PDE4D: variants seen among roughly 807,000 people sequenced by gnomAD.
PDE4D encodes phosphodiesterase 4D, also known as 3',5'-cyclic-AMP phosphodiesterase 4D.
A neutral mutation model predicts 87.4 loss-of-function variants in PDE4D; 24 were observed. That is an observed-to-expected ratio of 0.27 (90% CI 0.20 to 0.39). The LOEUF is 0.39. Among genes scored for constraint, PDE4D ranks in the 10% least tolerant of loss-of-function variants. The probability of loss-of-function intolerance (pLI) is 1.00; values close to 1 mark genes in which losing one functional copy is unlikely to be tolerated. For synonymous variants in PDE4D, 384 were observed against 383.2 expected (o/e 1.00, Z -0.02); for missense variants, 714 against 1,041.0 (o/e 0.69, Z 4.32).
chr5:59,200,222 T>G (rs1478915338), intron 2 of PDE4D, among the ~76,000 whole-genome samples: 1 of 146,514 alleles, frequency 6.8e-6, no homozygotes, highest in African/African-American at 2.6e-5. Flanking sequence ...CACGTGTATG[T>G]ATACATACAT....
intron 2 of PDE4D, chr5:60,127,785 G>C (rs1779240500): frequency 2.1e-6 from 1 of 481,268 alleles, no homozygotes; most frequent in Non-Finnish European, 3.7e-6. Flanking sequence ...ATACAGGTCT[G>C]AGTTCCAGAG....
At chr5:59,328,120 C>G (rs1301103518) in intron 1 of PDE4D, among the ~76,000 whole-genome samples, 8 of 152,072 alleles carry the variant, frequency 5.3e-5, no homozygotes, top group African/African-American at 1.9e-4. Flanking sequence ...AGAAATAGCA[C>G]AATATCCATT....
At chr5:59,685,842 A>G (rs763177316) in intron 1 of PDE4D, among the ~76,000 whole-genome samples, 10 of 152,158 alleles carry the variant, frequency 6.6e-5, no homozygotes, top group Non-Finnish European at 1.5e-4. Flanking sequence ...CGATAAGCAC[A>G]CTGTCTGATC....
intron 2 of PDE4D, among the ~76,000 whole-genome samples, chr5:59,194,229 A>G (rs1744958242): frequency 6.6e-6 from 1 of 152,208 alleles, no homozygotes; most frequent in Non-Finnish European, 1.5e-5. Flanking sequence ...CAGTTAGAGG[A>G]AAGTGAGAAA....
intron 1 of PDE4D, among the ~76,000 whole-genome samples, chr5:60,335,397 A>G (rs1401475885): frequency 6.6e-6 from 1 of 152,226 alleles, no homozygotes; most frequent in Non-Finnish European, 1.5e-5. Context: ...TTAGGATTCT[A>G]TCTGCCCAGA....
chr5:59,179,103 A>G (rs577447746), intron 5 of PDE4D, among the ~76,000 whole-genome samples: 20 of 152,234 alleles, frequency 1.3e-4, no homozygotes, highest in African/African-American at 4.6e-4. Flanking sequence ...GTTATTGTTC[A>G]TCTCTCTTTC....
At chr5:59,892,439 C>T (rs937121919) in intron 1 of PDE4D, among the ~76,000 whole-genome samples, 1 of 152,186 alleles carries the variant, frequency 6.6e-6, no homozygotes, top group Non-Finnish European at 1.5e-5. Flanking sequence ...GGTCTCCCTA[C>T]ACACAAGCTC....
intron 6 of PDE4D, among the ~76,000 whole-genome samples, chr5:58,994,711 A>G (rs372432314): frequency 1.3e-5 from 2 of 152,292 alleles, no homozygotes; most frequent in African/African-American, 4.8e-5. Flanking sequence ...ACCGTTTGCT[A>G]AATAACTTCC....
chr5:59,802,356 T>A (rs1767231388), intron 1 of PDE4D, among the ~76,000 whole-genome samples: 1 of 151,646 alleles, frequency 6.6e-6, no homozygotes, highest in Admixed American at 6.6e-5. Context: ...GGGAAAACAG[T>A]CATTATATGA....
intron 2 of PDE4D, among the ~76,000 whole-genome samples, chr5:60,013,300 C>T (rs959672764): frequency 6.6e-6 from 1 of 152,152 alleles, no homozygotes; most frequent in Non-Finnish European, 1.5e-5. Context: ...CAACTTTTAA[C>T]CTTTTTACCT....
chr5:59,373,809 C>A (rs1381788220), intron 1 of PDE4D, among the ~76,000 whole-genome samples: 1 of 152,076 alleles, frequency 6.6e-6, no homozygotes, highest in Admixed American at 6.6e-5. Context: ...AAAAGGAAGC[C>A]CATCAGACTA....
intron 1 of PDE4D, among the ~76,000 whole-genome samples, chr5:60,457,610 C>G (rs1746573481): frequency 6.6e-6 from 1 of 152,164 alleles, no homozygotes. Flanking sequence ...GTTTTTCCAG[C>G]TGTTCCTTTA....
At chr5:59,393,091 G>C (rs1016911820) in intron 1 of PDE4D, among the ~76,000 whole-genome samples, 1 of 152,142 alleles carries the variant, frequency 6.6e-6, no homozygotes, top group African/African-American at 2.4e-5. Flanking sequence ...GGATAATTAG[G>C]AAAATGTTAA....
intron 1 of PDE4D, among the ~76,000 whole-genome samples, chr5:60,265,142 C>T (rs975352586): frequency 1.6e-4 from 24 of 152,156 alleles, no homozygotes; most frequent in African/African-American, 5.6e-4. Flanking sequence ...GATGGCCAAC[C>T]ACATGACACT....
intron 1 of PDE4D, among the ~76,000 whole-genome samples, chr5:59,839,888 G>A (rs1004089792): frequency 2.0e-5 from 3 of 152,018 alleles, no homozygotes; most frequent in Admixed American, 6.6e-5. Context: ...CTCCAGTCAG[G>A]CTATATGTGT....
rs916672243 is a variant in PDE4D at position 59,284,269 on chromosome 5, C to T, written c.456-68301G>A. Among the ~76,000 whole-genome samples the T allele has an allele frequency of 7.9e-5, 12 of 152,090 alleles. No homozygotes were observed. The South Asian group carries it at 1.0e-3, about 13-fold the overall frequency. ...CAGCACCATATGGTCATCCTCTCTT[C>T]ATTTGGTTAACTATAAGCCACTAAC... On this transcript the variant is annotated intron_variant, in intron 1 of 14. Coordinates refer to ENST00000340635, the MANE Select transcript of PDE4D (RefSeq NM_001104631.2).
Position 60,067,339 on chromosome 5 carries a change from T to C in PDE4D, c.43-78622A>G, listed in dbSNP as rs189725343. Among the ~76,000 whole-genome samples the C allele has an allele frequency of 7.9e-5, 12 of 152,126 alleles. No individual in the cohort carries two copies. The East Asian group carries it at 1.6e-3, about 20-fold the overall frequency. ...AAATATAAACTAGAACTGAAAGAGA[T>C]AGAGGAAAGCTCAGTCTATGTTCTT... On this transcript the variant is annotated intron_variant, in intron 2 of 16. Coordinates refer to the PDE4D transcript ENST00000502484.
intron 3 of PDE4D, among the ~76,000 whole-genome samples, chr5:59,946,357 C>T (rs2152801691): frequency 6.6e-6 from 1 of 152,308 alleles, no homozygotes; most frequent in East Asian, 1.9e-4. Context: ...CAAAACTTCC[C>T]ATGTTCAGCA....
intron 1 of PDE4D, among the ~76,000 whole-genome samples, chr5:59,534,662 G>A (rs2153681232): frequency 6.6e-6 from 1 of 152,324 alleles, no homozygotes; most frequent in Admixed American, 6.5e-5. Flanking sequence ...ACACCATCCA[G>A]GACTTCCTGA....
Sources: gnomAD v4.1 joint callset for allele counts (sites outside exome capture counted in the v4.1 genomes callset) on GRCh38, gnomAD v4.1.1 for gene constraint, MANE v1.5 for transcripts, NCBI Gene and HGNC (gene_info 2026-07-23, HGNC 2026-07-21) for gene names.